Variants in FSTL5 observed in about 807,000 individuals in gnomAD.
The protein encoded by FSTL5 is follistatin like 5.
In FSTL5, 62 loss-of-function variants were observed where a neutral mutation model predicts 89.1. The ratio of observed to expected loss-of-function variants is 0.70; its 90% CI spans 0.57 to 0.86. The LOEUF is 0.86. Among genes scored for constraint, FSTL5 ranks in the 40% least tolerant of loss-of-function variants. The probability of loss-of-function intolerance (pLI) is 0.00; values close to 1 mark genes in which losing one functional copy is unlikely to be tolerated. For missense variants in FSTL5, 1,057 were observed against 1,001.6 expected, an observed-to-expected ratio of 1.06 and a Z score of -0.75; for synonymous variants, 383 against 346.2, an observed-to-expected ratio of 1.11 and a Z score of -1.18.
intron 2 of FSTL5, among the ~76,000 whole-genome samples, chr4:162,056,689 T>G (rs1160752320): frequency 6.6e-6 from 1 of 152,152 alleles, no homozygotes; most frequent in Non-Finnish European, 1.5e-5. Context: ...ATAATAGGAA[T>G]CCTTAATAAA....
chr4:161,568,501 T>C (rs1732894537), intron 8 of FSTL5, among the ~76,000 whole-genome samples: 1 of 152,188 alleles, frequency 6.6e-6, no homozygotes, highest in Non-Finnish European at 1.5e-5. Flanking sequence ...TCTTAAGCTT[T>C]ACTAAATATG....
chr4:162,011,575 ACT>A (rs1167403662), intron 3 of FSTL5, among the ~76,000 whole-genome samples: 1 of 150,244 alleles, frequency 6.7e-6, no homozygotes, highest in African/African-American at 2.5e-5. Flanking sequence ...CTCACTGAAA[ACT>A]CTGCCTCCCA....
intron 1 of FSTL5, among the ~76,000 whole-genome samples, chr4:162,116,968 C>T (rs1319836529): frequency 6.6e-6 from 1 of 152,166 alleles, no homozygotes; most frequent in Admixed American, 6.5e-5. Context: ...CTTCACCTCA[C>T]ACTGTGGCTA....
chr4:161,681,857 T>G (rs1431839530), intron 6 of FSTL5, among the ~76,000 whole-genome samples: 2 of 152,184 alleles, frequency 1.3e-5, no homozygotes, highest in Non-Finnish European at 2.9e-5. Context: ...TGTTTAGTCA[T>G]GTATCACTTA....
At chr4:162,067,518 T>A (rs1738959294) in intron 2 of FSTL5, among the ~76,000 whole-genome samples, 1 of 152,018 alleles carries the variant, frequency 6.6e-6, no homozygotes, top group African/African-American at 2.4e-5. Flanking sequence ...GATTGCTGGG[T>A]CAACTCTCAA....
intron 3 of FSTL5, among the ~76,000 whole-genome samples, chr4:161,982,888 C>T (rs774391590): frequency 3.9e-5 from 6 of 152,114 alleles, no homozygotes; most frequent in Non-Finnish European, 7.4e-5. Flanking sequence ...TATCATGACA[C>T]TTGATACAAT....
chr4:161,431,983 T>C (rs949402296), intron 15 of FSTL5, among the ~76,000 whole-genome samples: 1 of 152,108 alleles, frequency 6.6e-6, no homozygotes, highest in Non-Finnish European at 1.5e-5. Context: ...TTATTAGATC[T>C]AAAAAGAGAA....
intron 6 of FSTL5, among the ~76,000 whole-genome samples, chr4:161,729,119 G>A (rs960466841): frequency 3.3e-5 from 5 of 152,176 alleles, no homozygotes; most frequent in African/African-American, 7.2e-5. Flanking sequence ...GGCAGCATAT[G>A]TATTCACTTG....
At chr4:161,516,367 TG>T (rs1730830367) in intron 10 of FSTL5, among the ~76,000 whole-genome samples, 1 of 147,986 alleles carries the variant, frequency 6.8e-6, no homozygotes, top group Admixed American at 6.8e-5. Context: ...ATGCCACTAC[TG>T]TTATATATAT....
intron 4 of FSTL5, among the ~76,000 whole-genome samples, chr4:161,850,587 C>T (rs7695909): frequency 1 from 152,280 of 152,292 alleles, 76,134 homozygotes; most frequent in East Asian, 1. Context: ...ATTTGCATGG[C>T]TGTGGGGCAT....
At chr4:161,632,835 C>A (rs1214141100) in intron 7 of FSTL5, among the ~76,000 whole-genome samples, 1 of 151,954 alleles carries the variant, frequency 6.6e-6, no homozygotes, top group African/African-American at 2.4e-5. Context: ...AGAAAATAAA[C>A]AAGGGAATTT....
chr4:161,575,171 C>G (rs961636806), intron 8 of FSTL5, among the ~76,000 whole-genome samples: 1 of 152,140 alleles, frequency 6.6e-6, no homozygotes, highest in Non-Finnish European at 1.5e-5. Flanking sequence ...TGTTGATATA[C>G]TTTGCCCACT....
At chr4:162,045,945 T>C (rs1466918131) in intron 2 of FSTL5, among the ~76,000 whole-genome samples, 1 of 152,184 alleles carries the variant, frequency 6.6e-6, no homozygotes, top group Non-Finnish European at 1.5e-5. Context: ...TTTAAGAGGA[T>C]AATGAGGAAG....
At chr4:162,000,808 T>C (rs917330260) in intron 3 of FSTL5, among the ~76,000 whole-genome samples, 1 of 151,968 alleles carries the variant, frequency 6.6e-6, no homozygotes, top group African/African-American at 2.4e-5. Context: ...CTTACATGGA[T>C]TGGGGAAGTA....
At chr4:162,075,447 G>A (rs186243559) in intron 2 of FSTL5, among the ~76,000 whole-genome samples, 1 of 151,906 alleles carries the variant, frequency 6.6e-6, no homozygotes, top group Non-Finnish European at 1.5e-5. Context: ...GTGTCCAGGT[G>A]TCAGCTCCAT....
At chr4:161,499,193 T>C (rs1203856210) in intron 12 of FSTL5, among the ~76,000 whole-genome samples, 3 of 152,124 alleles carry the variant, frequency 2.0e-5, no homozygotes, top group African/African-American at 7.2e-5. Flanking sequence ...CAGAGCAAGA[T>C]TCTGTCTTAA....
At chr4:161,992,108 G>C (rs1322681913) in intron 3 of FSTL5, among the ~76,000 whole-genome samples, 1 of 152,134 alleles carries the variant, frequency 6.6e-6, no homozygotes, top group Admixed American at 6.5e-5. Context: ...TAAAAGGCAG[G>C]AACATATCCT....
chr4:161,733,220 A>T (rs1432061816), intron 6 of FSTL5, among the ~76,000 whole-genome samples: 3 of 151,764 alleles, frequency 2.0e-5, no homozygotes, highest in Admixed American at 2.0e-4. Context: ...GTCCTAATAC[A>T]GTTTATATTT....
At chr4:162,056,429 G>T (rs888844451) in intron 2 of FSTL5, among the ~76,000 whole-genome samples, 2 of 151,202 alleles carry the variant, frequency 1.3e-5, no homozygotes, top group African/African-American at 4.9e-5. Flanking sequence ...ATGAGGGTGT[G>T]TCCTAGGGTA....
Sources: allele counts gnomAD v4.1 joint callset (sites outside exome capture counted in the v4.1 genomes callset), GRCh38; gene constraint gnomAD v4.1.1; transcripts MANE v1.5; gene names NCBI Gene and HGNC (gene_info 2026-07-23, HGNC 2026-07-21).